Variants in AVL9 observed in about 807,000 individuals in gnomAD.
AVL9 encodes the protein AVL9 cell migration associated, also known as late secretory pathway protein AVL9 homolog.
AVL9 carries 49 observed loss-of-function variants against 79.2 expected under a neutral mutation model. The ratio of observed to expected loss-of-function variants is 0.62; its 90% confidence interval spans 0.49 to 0.79. AVL9 has a LOEUF of 0.79. Among genes scored for constraint, AVL9 ranks in the 30% least tolerant of loss-of-function variants. The pLI is 0.00. For synonymous variants in AVL9, 299 were observed against 280.6 expected (o/e 1.07, Z -0.65); for missense variants, 682 against 776.8 (o/e 0.88, Z 1.45).
At chr7:32,545,224 C>T (rs2128135154) in intron 3 of AVL9, among the ~76,000 whole-genome samples, 1 of 150,170 alleles carries the variant, frequency 6.7e-6, no homozygotes, top group Non-Finnish European at 1.5e-5. Flanking sequence ...CCTCCTGCCT[C>T]AGCCTGCTGA....
At chr7:32,511,811 A>C (rs1377996108) in intron 1 of AVL9, among the ~76,000 whole-genome samples, 1 of 152,108 alleles carries the variant, frequency 6.6e-6, no homozygotes, top group Non-Finnish European at 1.5e-5. Context: ...GGAAGACGAG[A>C]GCCAGAAGGA....
At chr7:32,551,976 A>G (rs1017242251) in intron 5 of AVL9, among the ~76,000 whole-genome samples, 1 of 149,636 alleles carries the variant, frequency 6.7e-6, no homozygotes, top group Admixed American at 6.8e-5. Context: ...ACGCTCTAAA[A>G]TGTAGAGGGA....
intron 3 of AVL9, among the ~76,000 whole-genome samples, chr7:32,548,151 C>CTTTTGTTTTT (rs71559236): frequency 4.1e-4 from 54 of 131,600 alleles, no homozygotes; most frequent in Middle Eastern, 4.0e-3. Flanking sequence ...TCTCTTTTTT[C>CTTTTGTTTTT]TTTTTTTTTT....
chr7:32,532,322 A>T (rs1483379217), intron 1 of AVL9: 1 of 152,152 alleles, frequency 6.6e-6, no homozygotes, highest in Non-Finnish European at 1.5e-5. Flanking sequence ...GGGGCTGGGC[A>T]GGCCATGGAT....
At chr7:32,566,542 C>T (rs79520284) in intron 10 of AVL9, among the ~76,000 whole-genome samples, 151,663 of 151,666 alleles carry the variant, frequency 1, 75,830 homozygotes, top group Middle Eastern at 1. Context: ...TATATAAATA[C>T]TAATATTTTA....
intron 1 of AVL9, among the ~76,000 whole-genome samples, chr7:32,540,870 ACTTTTTTTTTTTTTTTTTT>A (rs1789151724): frequency 8.2e-5 from 7 of 85,294 alleles, no homozygotes; most frequent in African/African-American, 2.6e-4. Flanking sequence ...TTGTTGTACT[ACTTTTTTTTTTTTTTTTTT>A]TTTTTTTTTT....
chr7:32,559,067 A>C lies in AVL9; in HGVS notation c.818A>C (p.Asn273Thr). Residue 273 changes from asparagine (N) to threonine (T), a missense_variant, in exon 10 of 16, where the codon AAC (asparagine) becomes ACC (threonine). Physicochemically the swap from Asn to Thr is moderately conservative, Grantham distance 65. Transcript: ENST00000318709. ...SASTADVSHT[N>T]LGTIRKVMAG... ...TCCACTGCTGATGTTTCACATACCA[A>C]CTTGGGAACTATCAGGAAAGTCATG... The C allele has an allele frequency of 6.2e-7, 1 of 1,614,152 alleles. No homozygotes were observed. Among genetic ancestry groups the C allele is most frequent in the Non-Finnish European group, 8.5e-7 (1 of 1,179,990 alleles).
chr7:32,558,626 C>T lies in AVL9; in HGVS notation c.677C>T (p.Pro226Leu). Reference protein sequence around the residue: ...GALMTVLSLFPGMIEHGLSDC... With the variant: ...GALMTVLSLFLGMIEHGLSDC... ...CTGATGACTGTGTTATCCCTTTTTC[C>T]AGGTAAGAAAACAGCAGTATCTACT... The change falls in exon 9 of 16, where the codon CCA becomes CTA. Residue 226 changes from proline to leucine, a missense_variant and splice_region_variant. Transcript: ENST00000318709. The T allele has an allele frequency of 6.2e-7, 1 of 1,607,758 alleles. No individual in the cohort carries two copies. The highest frequency in any genetic ancestry group is 1.1e-5 in the South Asian group (1 of 89,628).
intron 3 of AVL9, among the ~76,000 whole-genome samples, chr7:32,545,648 T>C (rs6966990): frequency 0.64 from 97,601 of 151,906 alleles, 31,869 homozygotes; most frequent in Admixed American, 0.73. Context: ...AGCCACTGTG[T>C]CCAGCCTTGA....
At chr7:32,533,460 T>G (rs1357427248) in intron 1 of AVL9, 1 of 152,258 alleles carries the variant, frequency 6.6e-6, no homozygotes. Context: ...CGCAGCTGTT[T>G]CAAATCTATA....
chr7:32,554,113 TG>T (rs1324742517), intron 7 of AVL9, among the ~76,000 whole-genome samples: 1 of 152,206 alleles, frequency 6.6e-6, no homozygotes, highest in Non-Finnish European at 1.5e-5. Flanking sequence ...GCCCTGAGAA[TG>T]GAGCATTTTT....
intron 10 of AVL9, among the ~76,000 whole-genome samples, chr7:32,567,246 T>G (rs4723174): frequency 6.6e-6 from 1 of 151,948 alleles, no homozygotes; most frequent in Non-Finnish European, 1.5e-5. Context: ...GGACCACAGA[T>G]GCAGGCCACC....
chr7:32,587,453 G>T lies in AVL9; in HGVS notation c.*3546G>T, dbSNP rs1019477141. ...GTGGTCTTTTCCCTCCAGAGCCAGT[G>T]ATGAGTGTGGGAGCACTTCAGCTCT... On this transcript the variant is annotated 3_prime_UTR_variant, in exon 16 of 16. Coordinates refer to ENST00000318709, the MANE Select transcript of AVL9 (RefSeq NM_015060.3). The T allele has an allele frequency of 1.3e-5, 2 of 152,244 alleles. No homozygotes were observed. Among genetic ancestry groups the T allele is most frequent in the Non-Finnish European group, 2.9e-5 (2 of 68,056 alleles). The allele number at this position is 152,244 out of a possible 1,614,324, so 9.4% of individuals were successfully genotyped here.
rs904507372 is a variant in AVL9 at position 32,587,260 on chromosome 7, G to A, written c.*3353G>A. Reference sequence around the variant, plus strand: ...AAATCTGAATGGAAGTATTTTGAGAGCAGTATTTCATGTGCTAAGGGTTAT... The same window carrying A: ...AAATCTGAATGGAAGTATTTTGAGAACAGTATTTCATGTGCTAAGGGTTAT... On this transcript the variant is annotated 3_prime_UTR_variant, in exon 16 of 16. Transcript: ENST00000318709. 6.6e-6 allele frequency: 1 copy of A among 152,238 alleles called. No homozygotes were observed. Among genetic ancestry groups the A allele is most frequent in the African/African-American group, 2.4e-5 (1 of 41,470 alleles). 9.4% of individuals were successfully genotyped at this position (152,238 alleles called of 1,614,324 possible).
At chr7:32,513,193 C>T (rs1301728854) in intron 1 of AVL9, among the ~76,000 whole-genome samples, 1 of 152,204 alleles carries the variant, frequency 6.6e-6, no homozygotes, top group Admixed American at 6.5e-5. Flanking sequence ...ATAGTATTGG[C>T]TTTGTAAACC....
At chr7:32,557,389 C>G (rs188770131) in intron 8 of AVL9, among the ~76,000 whole-genome samples, 1,754 of 152,246 alleles carry the variant, frequency 0.012, 130 homozygotes, top group Admixed American at 0.11. Flanking sequence ...AGTCAAGGAT[C>G]ATGTACTGCA....
intron 1 of AVL9, among the ~76,000 whole-genome samples, chr7:32,496,781 GAA>G (rs1275236396): frequency 6.6e-6 from 1 of 152,172 alleles, no homozygotes; most frequent in African/African-American, 2.4e-5. Flanking sequence ...GGGAATAAGA[GAA>G]AAGTGATGGG....
At chr7:32,503,382 A>ACG in intron 1 of AVL9, among the ~76,000 whole-genome samples, 1 of 142,500 alleles carries the variant, frequency 7.0e-6, no homozygotes, top group African/African-American at 2.6e-5. Flanking sequence ...ATACACACAC[A>ACG]CACACACACA....
chr7:32,543,910 T>C (rs1789338843), intron 2 of AVL9, among the ~76,000 whole-genome samples: 1 of 146,836 alleles, frequency 6.8e-6, no homozygotes, highest in Non-Finnish European at 1.5e-5. Flanking sequence ...TCTTTCTTTC[T>C]TTCTTTTTTT....
Sources: gnomAD v4.1 joint callset for allele counts (sites outside exome capture counted in the v4.1 genomes callset) on GRCh38, gnomAD v4.1.1 for gene constraint, MANE v1.5 for transcripts, NCBI Gene and HGNC (gene_info 2026-07-23, HGNC 2026-07-21) for gene names.